The following ENTHD1 variants were observed in gnomAD, a reference collection of about 807,000 sequenced individuals.
ENTHD1 encodes the protein ENTH domain containing 1.
Under a neutral mutation model 39.1 loss-of-function variants are expected in ENTHD1, and 23 were observed. The ratio of observed to expected loss-of-function variants is 0.59; its 90% confidence interval spans 0.42 to 0.83. The LOEUF (loss-of-function observed/expected upper bound fraction) is 0.83, where lower values mean the gene tolerates loss of function less well. Among genes scored for constraint, ENTHD1 ranks in the 40% least tolerant of loss-of-function variants. ENTHD1 has a pLI of 0.00. For synonymous variants in ENTHD1, 230 were observed against 258.2 expected, an observed-to-expected ratio of 0.89 and a Z score of 1.05; for missense variants, 624 against 705.4, an observed-to-expected ratio of 0.88 and a Z score of 1.31.
At chr22:39,846,481 T>C (rs1256359704) in intron 3 of ENTHD1, among the ~76,000 whole-genome samples, 1 of 152,218 alleles carries the variant, frequency 6.6e-6, no homozygotes, top group Non-Finnish European at 1.5e-5. Context: ...GCAGAAGCTC[T>C]TTAGTTTAAT....
intron 5 of ENTHD1, among the ~76,000 whole-genome samples, chr22:39,772,679 C>A (rs1355335994): frequency 6.6e-6 from 1 of 152,042 alleles, no homozygotes; most frequent in African/African-American, 2.4e-5. Flanking sequence ...ATGCAATTAA[C>A]AGGCACAAAT....
intron 3 of ENTHD1, among the ~76,000 whole-genome samples, chr22:39,848,924 G>A (rs1160687985): frequency 2.0e-5 from 3 of 151,892 alleles, no homozygotes; most frequent in Non-Finnish European, 4.4e-5. Context: ...TTTACAATAT[G>A]GATAAAAAAT....
At chr22:39,747,126 A>G (rs775290337) in intron 6 of ENTHD1, among the ~76,000 whole-genome samples, 2 of 152,076 alleles carry the variant, frequency 1.3e-5, no homozygotes. Flanking sequence ...AGCTGAGACT[A>G]CAGGTGTGGG....
chr22:39,743,595 A>C lies in ENTHD1; in HGVS notation c.*84T>G. 5 of 1,401,066 alleles carry C rather than the reference A, an allele frequency of 3.6e-6. No homozygotes were observed. The highest frequency in any genetic ancestry group is 3.7e-6 in the Non-Finnish European group (4 of 1,070,564). 86.8% of individuals were successfully genotyped at this position (1,401,066 alleles called of 1,614,324 possible). ...ATTAAACCATCCCCTTTTTTGCCATAATAATATGAATTTATACAATGCTAA... is the reference window on the plus strand; with the variant it reads ...ATTAAACCATCCCCTTTTTTGCCATCATAATATGAATTTATACAATGCTAA... On this transcript the variant is annotated 3_prime_UTR_variant, in exon 7 of 7. Coordinates refer to ENST00000325157, the MANE Select transcript of ENTHD1 (RefSeq NM_152512.4).
At position 39,832,973 on chromosome 22, in the gene ENTHD1, G is replaced by A. The variant is rs547885273; in HGVS notation, c.711+2867C>T. ...TGTACTCAGGAGTACCTTCCAGTCTGTGCAGAAGCCGAGTGGGCAAGGAGC... is the reference window on the plus strand; with the variant it reads ...TGTACTCAGGAGTACCTTCCAGTCTATGCAGAAGCCGAGTGGGCAAGGAGC... On this transcript the variant is annotated intron_variant, in intron 4 of 6. Transcript: ENST00000325157. 7.2e-5 allele frequency among the ~76,000 whole-genome samples: 11 copies of A among 152,282 alleles called. No individual in the cohort carries two copies. In the South Asian group the frequency reaches 2.3e-3, roughly 32 times the overall value.
Position 39,875,594 on chromosome 22 carries a change from T to C in ENTHD1, c.349+11806A>G, listed in dbSNP as rs953048730. Reference sequence around the variant, plus strand: ...CCTTGAAGTTTTAGATAGTACGAAGTCTTCAAGAGAAAGCACCGAGGCTAG... The same window carrying C: ...CCTTGAAGTTTTAGATAGTACGAAGCCTTCAAGAGAAAGCACCGAGGCTAG... On this transcript the variant is annotated intron_variant, in intron 2 of 6. Transcript: ENST00000325157. The C allele has an allele frequency of 2.5e-6, 4 of 1,611,678 alleles. No individual in the cohort carries two copies. The African/African-American group carries it at 4.0e-5, about 16-fold the overall frequency.
At chr22:39,826,982 G>C (rs1472763651) in intron 4 of ENTHD1, among the ~76,000 whole-genome samples, 1 of 151,758 alleles carries the variant, frequency 6.6e-6, no homozygotes. Flanking sequence ...CTGGCGGCTG[G>C]GACTATAAGC....
intron 5 of ENTHD1, among the ~76,000 whole-genome samples, chr22:39,770,353 G>A (rs549643490): frequency 2.0e-5 from 3 of 152,222 alleles, no homozygotes; most frequent in Admixed American, 1.3e-4. Flanking sequence ...CCCTTGCAAC[G>A]CTTCTCCACT....
rs532317888 is a variant in ENTHD1 at position 39,831,494 on chromosome 22, G to GA, written c.711+4345dup. 2.5e-4 allele frequency among the ~76,000 whole-genome samples: 38 copies of GA among 152,066 alleles called. 1 individual carries two copies. The highest frequency in any genetic ancestry group is 3.4e-3 in the Middle Eastern group (1 of 294). On this transcript the variant is annotated intron_variant, in intron 4 of 6. Coordinates refer to ENST00000325157, the MANE Select transcript of ENTHD1 (RefSeq NM_152512.4). ...AATCCAATACTCTAAAACACAGAAA[G>GA]AAAACCAAATTCACTCCTGAAAAAG...
intron 3 of ENTHD1, among the ~76,000 whole-genome samples, chr22:39,853,393 G>A (rs143273526): frequency 2.0e-5 from 3 of 152,084 alleles, no homozygotes; most frequent in African/African-American, 7.2e-5. Flanking sequence ...AAGTGAGTCG[G>A]GTGTAGTGGC....
chr22:39,886,517 G>A lies in ENTHD1; in HGVS notation c.349+883C>T, dbSNP rs187044690. 2.5e-4 allele frequency among the ~76,000 whole-genome samples: 38 copies of A among 152,272 alleles called. No individual in the cohort carries two copies. In the East Asian group the frequency reaches 6.6e-3, roughly 26 times the overall value. On this transcript the variant is annotated intron_variant, in intron 2 of 6. Coordinates refer to ENST00000325157, the MANE Select transcript of ENTHD1 (RefSeq NM_152512.4). ...GTGGGGAAGGGTATGTGGGAACTCT[G>A]CGTAACTTTCTGCATAATTTTCCTG...
At chr22:39,782,923 T>C (rs2065421627) in intron 5 of ENTHD1, among the ~76,000 whole-genome samples, 1 of 152,182 alleles carries the variant, frequency 6.6e-6, no homozygotes, top group Non-Finnish European at 1.5e-5. Flanking sequence ...TTGGAAGTCC[T>C]GGCCAGAGCA....
intron 2 of ENTHD1, chr22:39,875,346 C>T (rs984830747): frequency 1.3e-4 from 182 of 1,353,160 alleles, no homozygotes; most frequent in Middle Eastern, 2.6e-4. Context: ...TCGGCCACGT[C>T]CCGCGGGGTG....
intron 2 of ENTHD1, among the ~76,000 whole-genome samples, chr22:39,872,448 A>T (rs1234953669): frequency 1.3e-5 from 2 of 152,186 alleles, no homozygotes; most frequent in South Asian, 2.1e-4. Context: ...AGGGCCAAAT[A>T]CTTGATGTTT....
chr22:39,846,005 C>A (rs78943183), intron 3 of ENTHD1, among the ~76,000 whole-genome samples: 2,853 of 151,886 alleles, frequency 0.019, 41 homozygotes, highest in Non-Finnish European at 0.032. Flanking sequence ...GAACAGAGAG[C>A]CCAGAAATAA....
At chr22:39,888,240 ATC>A (rs1438331883) in intron 1 of ENTHD1, among the ~76,000 whole-genome samples, 3 of 149,874 alleles carry the variant, frequency 2.0e-5, no homozygotes, top group African/African-American at 7.4e-5. Context: ...GCACTCTGAC[ATC>A]TCTTTCTTTC....
intron 1 of ENTHD1, among the ~76,000 whole-genome samples, chr22:39,891,439 A>G (rs939466519): frequency 7.2e-5 from 11 of 151,932 alleles, no homozygotes; most frequent in Admixed American, 7.2e-4. Context: ...CTTGGGATAA[A>G]CCTGCACTGA....
At chr22:39,790,275 A>G (rs755783987) in intron 5 of ENTHD1, among the ~76,000 whole-genome samples, 1 of 152,160 alleles carries the variant, frequency 6.6e-6, no homozygotes, top group Non-Finnish European at 1.5e-5. Context: ...GCAGGGTCAC[A>G]GGTTAGGAGG....
intron 2 of ENTHD1, among the ~76,000 whole-genome samples, chr22:39,883,355 C>A (rs776355116): frequency 6.6e-6 from 1 of 152,004 alleles, no homozygotes; most frequent in African/African-American, 2.4e-5. Flanking sequence ...TAAACACATT[C>A]ATGTATACCT....
Sources: gnomAD v4.1 joint callset for allele counts (sites outside exome capture counted in the v4.1 genomes callset) on GRCh38, gnomAD v4.1.1 for gene constraint, MANE v1.5 for transcripts, NCBI Gene and HGNC (gene_info 2026-07-23, HGNC 2026-07-21) for gene names.